Variants in CHST9 observed in about 807,000 individuals in gnomAD.
CHST9 encodes GalNAc-4-sulfotransferase 2.
CHST9 carries 41 observed loss-of-function variants against 44.4 expected under a neutral mutation model. The ratio of observed to expected loss-of-function variants is 0.92; its 90% CI spans 0.72 to 1.20. The LOEUF (loss-of-function observed/expected upper bound fraction) is 1.20. Among genes scored for constraint, CHST9 ranks in the 50% most tolerant of loss-of-function variants. CHST9 has a pLI of 0.00. For synonymous variants in CHST9, 171 were observed against 178.4 expected, an observed-to-expected ratio of 0.96 and a Z score of 0.33; for missense variants, 504 against 516.5, an observed-to-expected ratio of 0.98 and a Z score of 0.23.
intron 2 of CHST9, among the ~76,000 whole-genome samples, chr18:27,120,564 A>G (rs2058366058): frequency 6.7e-6 from 1 of 150,344 alleles, no homozygotes; most frequent in Non-Finnish European, 1.5e-5. Flanking sequence ...CCAGGGAAAG[A>G]CCTCAGTAAT....
At chr18:27,053,254 A>G (rs1295779934) in intron 2 of CHST9, among the ~76,000 whole-genome samples, 7 of 114,426 alleles carry the variant, frequency 6.1e-5, no homozygotes, top group African/African-American at 2.3e-4. Flanking sequence ...AAGAAGAAGA[A>G]GAAGAAGGAG....
intron 5 of CHST9, among the ~76,000 whole-genome samples, chr18:26,936,954 T>C (rs1186857183): frequency 2.0e-5 from 3 of 152,192 alleles, no homozygotes; most frequent in Admixed American, 2.0e-4. Flanking sequence ...CATGGGTACA[T>C]ACACAATGAC....
chr18:27,072,559 T>C (rs1400856643), intron 2 of CHST9, among the ~76,000 whole-genome samples: 1 of 152,152 alleles, frequency 6.6e-6, no homozygotes, highest in Non-Finnish European at 1.5e-5. Flanking sequence ...GTGTGACCTG[T>C]AACTAAGTTG....
intron 5 of CHST9, among the ~76,000 whole-genome samples, chr18:26,932,557 G>A (rs1032302936): frequency 1.3e-5 from 2 of 152,116 alleles, no homozygotes; most frequent in African/African-American, 4.8e-5. Flanking sequence ...GGGTGAAGGG[G>A]GGCAAGCTGA....
rs184609452 is a variant in CHST9 at position 27,135,145 on chromosome 18, G to A, written c.121+7544C>T. ...TACATGTATTAAGACATCATGTTGT[G>A]TACCATAAGTGTATACAATTTTTCC... On this transcript the variant is annotated intron_variant, in intron 2 of 5. Transcript: ENST00000618847. Among the ~76,000 whole-genome samples the A allele has an allele frequency of 6.6e-5, 10 of 152,132 alleles. No individual in the cohort carries two copies. The East Asian group carries it at 1.9e-3, about 29-fold the overall frequency.
intron 5 of CHST9, 108 bp downstream of exon 5, chr18:26,944,221 G>GGTTC (rs1299111238): frequency 7.4e-6 from 6 of 811,116 alleles, no homozygotes; most frequent in Non-Finnish European, 1.2e-5. Flanking sequence ...CATATATATT[G>GGTTC]CTCATAACTA....
chr18:27,070,488 T>C (rs998569068), intron 2 of CHST9, among the ~76,000 whole-genome samples: 3 of 152,232 alleles, frequency 2.0e-5, no homozygotes, highest in Non-Finnish European at 2.9e-5. Flanking sequence ...TGTCAAATAG[T>C]AGTAAATGTC....
At chr18:27,151,436 G>A (rs1349469372) in intron 1 of CHST9, among the ~76,000 whole-genome samples, 1 of 152,152 alleles carries the variant, frequency 6.6e-6, no homozygotes, top group Non-Finnish European at 1.5e-5. Flanking sequence ...GGTGTATGTG[G>A]CAAGCAGAAT....
chr18:27,017,978 C>A (rs1288479165), intron 4 of CHST9, among the ~76,000 whole-genome samples: 1 of 152,030 alleles, frequency 6.6e-6, no homozygotes, highest in Admixed American at 6.6e-5. Context: ...TTAGATTAAG[C>A]CTCAATTTAT....
chr18:27,168,585 C>T (rs9949078), intron 1 of CHST9, among the ~76,000 whole-genome samples: 64,130 of 151,872 alleles, frequency 0.42, 13,953 homozygotes, highest in East Asian at 0.64. Flanking sequence ...TTTGAAGGAG[C>T]AAATCAAGAG....
intron 4 of CHST9, among the ~76,000 whole-genome samples, chr18:27,014,418 C>A (rs2057122028): frequency 1.6e-5 from 2 of 121,962 alleles, no homozygotes; most frequent in South Asian, 5.3e-4. Flanking sequence ...CCCGCCACTG[C>A]ACTCCAGCCT....
intron 2 of CHST9, among the ~76,000 whole-genome samples, chr18:27,094,475 C>T (rs755381003): frequency 6.6e-6 from 1 of 152,122 alleles, no homozygotes; most frequent in Non-Finnish European, 1.5e-5. Context: ...TGACTGAGTT[C>T]TCAAGTTTTC....
At chr18:27,098,288 G>T (rs1413393508) in intron 2 of CHST9, among the ~76,000 whole-genome samples, 1 of 151,802 alleles carries the variant, frequency 6.6e-6, no homozygotes, top group African/African-American at 2.4e-5. Context: ...GAATGACAAT[G>T]ATTAGAAAGT....
intron 4 of CHST9, among the ~76,000 whole-genome samples, chr18:26,968,199 G>A (rs2056492273): frequency 6.6e-6 from 1 of 152,014 alleles, no homozygotes; most frequent in South Asian, 2.1e-4. Context: ...TATCCCTCCA[G>A]AGAACCCTGA....
chr18:26,959,551 G>A (rs1432712626), intron 4 of CHST9, among the ~76,000 whole-genome samples: 1 of 152,200 alleles, frequency 6.6e-6, no homozygotes, highest in Non-Finnish European at 1.5e-5. Flanking sequence ...GGAAGAGACA[G>A]CGTTTGATCT....
intron 2 of CHST9, among the ~76,000 whole-genome samples, chr18:27,115,474 A>G (rs1598735177): frequency 6.6e-6 from 1 of 152,262 alleles, no homozygotes; most frequent in Non-Finnish European, 1.5e-5. Flanking sequence ...ACAATTCTCC[A>G]AGTAATATAT....
chr18:27,039,409 C>T (rs1269716333), intron 3 of CHST9, among the ~76,000 whole-genome samples: 1 of 152,034 alleles, frequency 6.6e-6, no homozygotes, highest in Non-Finnish European at 1.5e-5. Flanking sequence ...GTCACAAAAC[C>T]ACAAATATTG....
intron 3 of CHST9, among the ~76,000 whole-genome samples, chr18:27,045,133 G>T (rs1450122992): frequency 1.3e-5 from 2 of 151,400 alleles, no homozygotes; most frequent in East Asian, 3.9e-4. Context: ...CTTTAGGGAT[G>T]CTCTAATGTA....
At chr18:27,171,963 C>T (rs2058836660) in intron 1 of CHST9, among the ~76,000 whole-genome samples, 1 of 152,128 alleles carries the variant, frequency 6.6e-6, no homozygotes, top group Non-Finnish European at 1.5e-5. Flanking sequence ...CTATTAAATA[C>T]CATGAATGAA....
Sources: allele counts gnomAD v4.1 joint callset (sites outside exome capture counted in the v4.1 genomes callset), GRCh38; gene constraint gnomAD v4.1.1; transcripts MANE v1.5; gene names NCBI Gene and HGNC (gene_info 2026-07-23, HGNC 2026-07-21).